Variants in FHIT observed in about 807,000 individuals in gnomAD.
The protein encoded by FHIT is fragile histidine triad diadenosine triphosphatase, also known as bis(5'-adenosyl)-triphosphatase.
Under a neutral mutation model 17.9 loss-of-function variants are expected in FHIT, and 19 were observed. That is an observed-to-expected ratio of 1.06 (90% CI 0.74 to 1.56). FHIT has a LOEUF of 1.56. FHIT is among the 40% of genes most tolerant of loss of function. The pLI is 0.00. For synonymous variants in FHIT, 81 were observed against 69.7 expected, an observed-to-expected ratio of 1.16 and a Z score of -0.81; for missense variants, 248 against 189.2, an observed-to-expected ratio of 1.31 and a Z score of -1.82.
chr3:61,160,253 A>G (rs1194648741), intron 2 of FHIT, among the ~76,000 whole-genome samples: 1 of 151,742 alleles, frequency 6.6e-6, no homozygotes, highest in Non-Finnish European at 1.5e-5. Context: ...ACTTTTTACA[A>G]GTGCCTCATG....
chr3:60,369,013 C>G (rs552814175), intron 5 of FHIT, among the ~76,000 whole-genome samples: 1 of 152,098 alleles, frequency 6.6e-6, no homozygotes, highest in East Asian at 1.9e-4. Context: ...CACTCTGTCA[C>G]CCAGGCTGGA....
intron 3 of FHIT, among the ~76,000 whole-genome samples, chr3:60,977,576 G>C (rs1235850580): frequency 6.6e-6 from 1 of 152,016 alleles, no homozygotes; most frequent in Admixed American, 6.6e-5. Flanking sequence ...GGCATGCTCT[G>C]TTAGAATCAT....
At chr3:60,756,542 T>C (rs1014970718) in intron 4 of FHIT, among the ~76,000 whole-genome samples, 36 of 152,096 alleles carry the variant, frequency 2.4e-4, no homozygotes, top group African/African-American at 8.5e-4. Context: ...TCTCAGAATA[T>C]GGACATGAGA....
intron 3 of FHIT, among the ~76,000 whole-genome samples, chr3:61,033,687 C>T (rs922333278): frequency 2.6e-5 from 4 of 152,132 alleles, no homozygotes; most frequent in African/African-American, 7.2e-5. Flanking sequence ...AATAGAAAAA[C>T]TCTGTTCTTA....
chr3:60,541,930 TTC>T (rs2036199574), intron 4 of FHIT, among the ~76,000 whole-genome samples: 1 of 152,218 alleles, frequency 6.6e-6, no homozygotes, highest in African/African-American at 2.4e-5. Context: ...GCTCTTCTTT[TTC>T]TTTTCACTTT....
At chr3:59,829,727 C>G (rs921817514) in intron 8 of FHIT, among the ~76,000 whole-genome samples, 2 of 152,154 alleles carry the variant, frequency 1.3e-5, no homozygotes, top group Non-Finnish European at 2.9e-5. Flanking sequence ...TATTTAAGAG[C>G]CAGCACATGA....
At chr3:60,710,074 T>TAAAAAAAAAAAAAAAAA (rs782196858) in intron 4 of FHIT, among the ~76,000 whole-genome samples, 1 of 80,594 alleles carries the variant, frequency 1.2e-5, no homozygotes, top group African/African-American at 4.6e-5. Context: ...CACAGAATGC[T>TAAAAAAAAAAAAAAAAA]AAAAAAAAAA....
chr3:60,419,483 T>C (rs1031222856), intron 5 of FHIT, among the ~76,000 whole-genome samples: 1 of 152,196 alleles, frequency 6.6e-6, no homozygotes, highest in Admixed American at 6.5e-5. Flanking sequence ...AATTGTTTTT[T>C]ACATTTCTGA....
chr3:60,118,355 G>A, intron 5 of FHIT, among the ~76,000 whole-genome samples: 1 of 150,172 alleles, frequency 6.7e-6, no homozygotes, highest in East Asian at 2.0e-4. Context: ...GAATCCTCCT[G>A]CCTAAGCCTC....
chr3:61,001,067 T>A (rs2031048078), intron 3 of FHIT, among the ~76,000 whole-genome samples: 1 of 151,886 alleles, frequency 6.6e-6, no homozygotes, highest in Non-Finnish European at 1.5e-5. Context: ...ATATTCGACA[T>A]CATTAGCCAT....
intron 5 of FHIT, among the ~76,000 whole-genome samples, chr3:60,268,716 G>C (rs1399782915): frequency 6.6e-6 from 1 of 152,036 alleles, no homozygotes; most frequent in Non-Finnish European, 1.5e-5. Flanking sequence ...CAGAATCCTG[G>C]CCACCTATAG....
chr3:61,151,639 T>C (rs1490254079), intron 2 of FHIT, among the ~76,000 whole-genome samples: 2 of 151,178 alleles, frequency 1.3e-5, no homozygotes, highest in East Asian at 3.9e-4. Flanking sequence ...AGTGACGTGA[T>C]CTTGGCTCAT....
At chr3:60,193,630 T>C (rs1396399388) in intron 5 of FHIT, among the ~76,000 whole-genome samples, 1 of 152,144 alleles carries the variant, frequency 6.6e-6, no homozygotes, top group Non-Finnish European at 1.5e-5. Flanking sequence ...AAAGGTAAGA[T>C]CCAAGTCTTG....
At chr3:60,376,490 C>T (rs1403988105) in intron 5 of FHIT, among the ~76,000 whole-genome samples, 2 of 151,780 alleles carry the variant, frequency 1.3e-5, no homozygotes, top group African/African-American at 4.8e-5. Context: ...AACATACATA[C>T]ACACACACAT....
At chr3:60,834,279 A>G (rs1702442801) in intron 3 of FHIT, among the ~76,000 whole-genome samples, 1 of 152,192 alleles carries the variant, frequency 6.6e-6, no homozygotes, top group Non-Finnish European at 1.5e-5. Context: ...TGTTATCATT[A>G]TCTTTTATTT....
intron 7 of FHIT, among the ~76,000 whole-genome samples, chr3:59,939,405 A>G (rs948312106): frequency 1.3e-5 from 2 of 152,208 alleles, no homozygotes; most frequent in African/African-American, 4.8e-5. Flanking sequence ...CCAATTTGCC[A>G]GGAATCTCAC....
chr3:60,653,380 C>G (rs1378476099), intron 4 of FHIT, among the ~76,000 whole-genome samples: 1 of 151,742 alleles, frequency 6.6e-6, no homozygotes, highest in African/African-American at 2.4e-5. Context: ...AGTTTGTAGG[C>G]AACGTTGGAA....
chr3:61,110,812 G>C (rs570800129), intron 2 of FHIT, among the ~76,000 whole-genome samples: 2 of 152,180 alleles, frequency 1.3e-5, no homozygotes, highest in African/African-American at 4.8e-5. Flanking sequence ...CATAATGATA[G>C]TGCTGGTGTG....
intron 5 of FHIT, among the ~76,000 whole-genome samples, chr3:60,461,828 G>A (rs2032487265): frequency 6.6e-6 from 1 of 152,126 alleles, no homozygotes; most frequent in Non-Finnish European, 1.5e-5. Context: ...CCTAAGCAAA[G>A]CACCTCTATT....
Sources: gnomAD v4.1 joint callset for allele counts (sites outside exome capture counted in the v4.1 genomes callset) on GRCh38, gnomAD v4.1.1 for gene constraint, MANE v1.5 for transcripts, NCBI Gene and HGNC (gene_info 2026-07-23, HGNC 2026-07-21) for gene names.